Variants in PCDHGA2 observed in about 807,000 individuals in gnomAD.
The protein encoded by PCDHGA2 is protocadherin gamma-A2.
A neutral mutation model predicts 59.2 loss-of-function variants in PCDHGA2; 40 were observed. That is an observed-to-expected ratio of 0.68 (90% confidence interval 0.52 to 0.88). The LOEUF is 0.88. Among genes scored for constraint, PCDHGA2 ranks in the 40% least tolerant of loss-of-function variants. PCDHGA2 has a pLI of 0.00. For synonymous variants in PCDHGA2, 560 were observed against 526.0 expected (o/e 1.06, Z -0.89); for missense variants, 1,226 against 1,204.0 (o/e 1.02, Z -0.27).
intron 1 of PCDHGA2, among the ~76,000 whole-genome samples, chr5:141,381,832 T>C (rs1244036161): frequency 1.7e-4 from 23 of 135,134 alleles, no homozygotes; most frequent in African/African-American, 6.3e-4. Context: ...TCTTCTTTTT[T>C]TTTTTTTTTT....
rs185995562 is a variant in PCDHGA2 at position 141,410,475 on chromosome 5, A to T, written c.2424+69080A>T. 63 of 1,614,052 alleles carry T rather than the reference A, an allele frequency of 3.9e-5. No individual in the cohort carries two copies. The highest frequency in any genetic ancestry group is 3.3e-4 in the Middle Eastern group (2 of 6,062). ...TATTCTTATAATCTGTGCATTGCAC[A>T]TACGGGTACAAAAGAGTTTAATTTC... On this transcript the variant is annotated intron_variant, in intron 1 of 3. Transcript: ENST00000394576.
intron 2 of PCDHGA2, among the ~76,000 whole-genome samples, chr5:141,498,994 AAGGAAGGAAGG>A (rs2099788184): frequency 2.0e-5 from 3 of 148,560 alleles, no homozygotes; most frequent in Non-Finnish European, 4.5e-5. Flanking sequence ...GGAAGGAAGG[AAGGAAGGAAGG>A]AAGGAAGGAA....
At chr5:141,502,767 C>T (rs970206343) in intron 2 of PCDHGA2, among the ~76,000 whole-genome samples, 1 of 151,756 alleles carries the variant, frequency 6.6e-6, no homozygotes, top group East Asian at 1.9e-4. Flanking sequence ...TGCTGGTATT[C>T]TTCTGAAAAT....
Position 141,341,121 on chromosome 5 carries a change from G to C in PCDHGA2, c.2150G>C (p.Arg717Pro), listed in dbSNP as rs758237668. Residue 717 changes from arginine (R) to proline (P), a missense_variant, in exon 1 of 4, where the codon CGG becomes CCG. Physicochemically the swap from Arg to Pro is moderately radical, Grantham distance 103 (BLOSUM62 -2). Coordinates refer to ENST00000394576, the MANE Select transcript of PCDHGA2 (RefSeq NM_018915.4). ...ATCGTGTTGCTGGCGCACAGGCTGC[G>C]GCGCTGGCACAAGTCACGCCTGCTG... The part of the protein sequence containing the change: ...FVIVLLAHRL[R>P]RWHKSRLLQA... 1 of 1,614,212 alleles carries C rather than the reference G, an allele frequency of 6.2e-7. No homozygotes were observed. The highest frequency in any genetic ancestry group is 8.5e-7 in the Non-Finnish European group (1 of 1,180,040).
rs752954707 is a variant in PCDHGA2 at position 141,476,801 on chromosome 5, C to T, written c.2425-18006C>T. The T allele has an allele frequency of 6.2e-7, 1 of 1,613,586 alleles. No individual in the cohort carries two copies. Among genetic ancestry groups the T allele is most frequent in the Non-Finnish European group, 8.5e-7 (1 of 1,180,020 alleles). On this transcript the variant is annotated intron_variant, in intron 1 of 3. Coordinates refer to ENST00000394576, the MANE Select transcript of PCDHGA2 (RefSeq NM_018915.4). This position sits in a 1 kb window ranked among gnomAD's most constrained non-coding sequence, Gnocchi z 7.6. Reference sequence around the variant, plus strand: ...GACCCCAGCTCTCTCCGCCAGCCTGCCTATTCACATCAAGGTGCTGGACGC... The same window carrying T: ...GACCCCAGCTCTCTCCGCCAGCCTGTCTATTCACATCAAGGTGCTGGACGC...
intron 1 of PCDHGA2, chr5:141,441,697 C>T: frequency 6.5e-6 from 2 of 307,306 alleles, no homozygotes; most frequent in Non-Finnish European, 1.3e-5. Flanking sequence ...CAGCCGCGAG[C>T]CTTCAAGCTC....
At position 141,399,956 on chromosome 5, in the gene PCDHGA2, C is replaced by T. The variant is rs760477759; in HGVS notation, c.2424+58561C>T. On this transcript the variant is annotated intron_variant, in intron 1 of 3. Coordinates refer to ENST00000394576, the MANE Select transcript of PCDHGA2 (RefSeq NM_018915.4). ...TACCACGTGCTGCAGGCTAGCGAGC[C>T]CGGGCTCTTCAGCCTGGGGCTGCGC... is the stretch of plus-strand genomic sequence containing the variant. 106 of 1,612,048 alleles carry T rather than the reference C, an allele frequency of 6.6e-5. No homozygotes were observed. Among genetic ancestry groups the T allele is most frequent in the Middle Eastern group, 1.9e-4 (1 of 5,240 alleles).
chr5:141,357,313 C>T, intron 1 of PCDHGA2: 3 of 1,614,110 alleles, frequency 1.9e-6, no homozygotes, highest in Non-Finnish European at 2.5e-6. Flanking sequence ...CTGCGTCTTC[C>T]TGGCTTTTGT....
Position 141,338,920 on chromosome 5 carries a change from A to G in PCDHGA2, c.-52A>G, listed in dbSNP as rs1054782671. 6.6e-7 allele frequency: 1 copy of G among 1,512,518 alleles called. No individual in the cohort carries two copies. Among genetic ancestry groups the G allele is most frequent in the South Asian group, 1.3e-5 (1 of 74,118 alleles). The allele number at this position is 1,512,518 out of a possible 1,614,324, so 93.7% of individuals were successfully genotyped here. A position where few individuals can be genotyped will look rare whatever the true frequency, so the allele number is the denominator to read the frequency against. ...CACACCCTGAGGAATAAAGATTGGA[A>G]TCCGCACTGGATGCTGGAAGTTGAC... On this transcript the variant is annotated 5_prime_UTR_variant, in exon 1 of 4. Transcript: ENST00000394576.
rs771459458 is a variant in PCDHGA2 at position 141,394,997 on chromosome 5, C to A, written c.2424+53602C>A. On this transcript the variant is annotated intron_variant, in intron 1 of 3. Coordinates refer to ENST00000394576, the MANE Select transcript of PCDHGA2 (RefSeq NM_018915.4). The stretch of plus-strand genomic sequence containing the variant: ...ACAAGTCACGCCTGCTCCAGGATTC[C>A]GGTGGCAGATTGGTAGGCGTGCCTG... 4 of 1,614,016 alleles carry A rather than the reference C, an allele frequency of 2.5e-6. No individual in the cohort carries two copies. In the South Asian group the frequency reaches 3.3e-5, roughly 13 times the overall value.
intron 1 of PCDHGA2, chr5:141,355,845 C>G: frequency 6.2e-7 from 1 of 1,612,278 alleles, no homozygotes; most frequent in East Asian, 2.2e-5. Context: ...TCACGGCCTT[C>G]GATGGAGGTG....
rs561499055 is a variant in PCDHGA2 at position 141,423,745 on chromosome 5, C to G, written c.2425-71062C>G. 10 of 605,688 alleles carry G rather than the reference C, an allele frequency of 1.7e-5. No individual in the cohort carries two copies. The East Asian group carries it at 3.1e-4, about 19-fold the overall frequency. The allele number at this position is 605,688 out of a possible 1,614,324, so 37.5% of individuals were successfully genotyped here. A position where few individuals can be genotyped will look rare whatever the true frequency, so the allele number is the denominator to read the frequency against. The stretch of plus-strand genomic sequence containing the variant: ...ATGTTTTTTGAGCCTGTTATGAAAA[C>G]TGTTTGGGGGGGGGGTGGGGCGGCA... On this transcript the variant is annotated intron_variant, in intron 1 of 3. Coordinates refer to ENST00000394576, the MANE Select transcript of PCDHGA2 (RefSeq NM_018915.4).
chr5:141,399,494 G>A, intron 1 of PCDHGA2: 1 of 1,614,032 alleles, frequency 6.2e-7, no homozygotes, highest in Non-Finnish European at 8.5e-7. Flanking sequence ...TACTTAGTCA[G>A]TGTACCCGAA....
Position 141,510,960 on chromosome 5 carries a change from G to C in PCDHGA2, c.2586G>C (p.Gly862=). The change falls in exon 4 of 4, where the codon GGG becomes GGC. Residue 862 remains glycine, a synonymous_variant. Transcript: ENST00000394576. ...CTGTCTCTGCAGAAGCTGCTGATGG[G>C]AGCTCCACCCTGGGAGGGGGTGCCG... The part of the protein sequence containing the change: ...ILASASEAAD[G]SSTLGGGAGT... 1 of 1,614,120 alleles carries C rather than the reference G, an allele frequency of 6.2e-7. No homozygotes were observed. Among genetic ancestry groups the C allele is most frequent in the Non-Finnish European group, 8.5e-7 (1 of 1,180,022 alleles).
At position 141,477,020 on chromosome 5, in the gene PCDHGA2, G is replaced by A; in HGVS notation, c.2425-17787G>A. The A allele has an allele frequency of 6.2e-7, 1 of 1,614,224 alleles. No individual in the cohort carries two copies. Among genetic ancestry groups the A allele is most frequent in the Non-Finnish European group, 8.5e-7 (1 of 1,180,048 alleles). ...ACTATTCGCCTTAGACCTTGTAACC[G>A]GGATGCTGACAATCAAGGGTCGGCT... On this transcript the variant is annotated intron_variant, in intron 1 of 3. Transcript: ENST00000394576. This position sits in a 1 kb window ranked among gnomAD's most constrained non-coding sequence, Gnocchi z 4.9.
At chr5:141,402,872 T>C in intron 1 of PCDHGA2, 1 of 1,455,372 alleles carries the variant, frequency 6.9e-7, no homozygotes, top group Non-Finnish European at 9.1e-7. Flanking sequence ...AAGATCACCA[T>C]ACTTTGCAGG....
intron 1 of PCDHGA2, chr5:141,375,706 T>C: frequency 6.2e-7 from 1 of 1,614,232 alleles, no homozygotes; most frequent in Non-Finnish European, 8.5e-7. Flanking sequence ...GGGACCCGCC[T>C]CTTAGCAGCA....
chr5:141,339,992 A>G lies in PCDHGA2; in HGVS notation c.1021A>G (p.Asn341Asp), dbSNP rs781674075. The stretch of plus-strand genomic sequence containing the variant: ...GGTTATCGTCACGGTTCTGGATGTG[A>G]ATGACAATGCCCCAGAATTTTACAT... ...AKVIVTVLDVNDNAPEFYMTS... is the reference protein window; with the variant it reads ...AKVIVTVLDVDDNAPEFYMTS... Residue 341 changes from asparagine (N) to aspartate (D), a missense_variant, in exon 1 of 4, where the codon AAT (asparagine) becomes GAT (aspartate). Transcript: ENST00000394576. 3 of 1,613,942 alleles carry G rather than the reference A, an allele frequency of 1.9e-6. No individual in the cohort carries two copies. The highest frequency in any genetic ancestry group is 2.5e-6 in the Non-Finnish European group (3 of 1,180,008).
At chr5:141,425,987 G>A (rs1304785231) in intron 1 of PCDHGA2, among the ~76,000 whole-genome samples, 1 of 152,188 alleles carries the variant, frequency 6.6e-6, no homozygotes, top group Non-Finnish European at 1.5e-5. Flanking sequence ...GAATCCCATT[G>A]AATTAGCAAA....
Sources: allele counts gnomAD v4.1 joint callset (sites outside exome capture counted in the v4.1 genomes callset), GRCh38; gene constraint gnomAD v4.1.1; non-coding constraint Gnocchi (gnomAD v3.1); transcripts MANE v1.5; gene names NCBI Gene and HGNC (gene_info 2026-07-23, HGNC 2026-07-21).